The following PRXL2A variants were observed in gnomAD, a reference collection of about 807,000 sequenced individuals.
PRXL2A encodes peroxiredoxin-like 2A.
Under a neutral mutation model 25.6 loss-of-function variants are expected in PRXL2A, and 26 were observed. That is an observed-to-expected ratio of 1.02 (90% CI 0.74 to 1.41). The LOEUF (loss-of-function observed/expected upper bound fraction) is 1.41, where lower values mean the gene tolerates loss of function less well. Ranked by LOEUF, PRXL2A falls within the 40% of genes most tolerant of loss-of-function variation. The pLI is 0.00. For missense variants in PRXL2A, 246 were observed against 273.9 expected, an observed-to-expected ratio of 0.90 and a Z score of 0.72; for synonymous variants, 98 against 102.9, an observed-to-expected ratio of 0.95 and a Z score of 0.29.
chr10:80,436,627 T>C lies in PRXL2A; in HGVS notation c.*4528T>C, dbSNP rs1164781845. ...AAGCAAAAGTTTCTCTCTGACCTTC[T>C]CCTGCCCTCTTGTTTCTGGCTTTTC... On this transcript the variant is annotated 3_prime_UTR_variant, in exon 6 of 6. Transcript: ENST00000606162. The C allele has an allele frequency of 1.3e-5, 2 of 152,280 alleles. No individual in the cohort carries two copies. Among genetic ancestry groups the C allele is most frequent in the African/African-American group, 2.4e-5 (1 of 41,440 alleles). The allele number at this position is 152,280 out of a possible 1,614,324, so 9.4% of individuals were successfully genotyped here. A position where few individuals can be genotyped will look rare whatever the true frequency, so the allele number is the denominator to read the frequency against.
chr10:80,420,369 T>C, intron 1 of PRXL2A, 97 bp from the exon 2 acceptor site: 2 of 1,500,816 alleles, frequency 1.3e-6, no homozygotes, highest in Non-Finnish European at 1.8e-6. Flanking sequence ...TGTCCTGACC[T>C]CCTGGTTGGC....
At chr10:80,426,676 C>A (rs1002426126) in intron 4 of PRXL2A, among the ~76,000 whole-genome samples, 1 of 152,206 alleles carries the variant, frequency 6.6e-6, no homozygotes, top group Admixed American at 6.5e-5. Context: ...TCATTTATTT[C>A]TTTCTCTTCT....
intron 5 of PRXL2A, among the ~76,000 whole-genome samples, chr10:80,428,621 A>G (rs1845132057): frequency 2.6e-5 from 4 of 151,890 alleles, no homozygotes. Context: ...GTGAGCTGAG[A>G]TTGTGCCACT....
intron 1 of PRXL2A, chr10:80,413,939 G>C (rs562962238): frequency 9.4e-7 from 1 of 1,066,766 alleles, no homozygotes; most frequent in African/African-American, 1.7e-5. Context: ...GTTTGAGGAA[G>C]GGAGTTGCCT....
intron 1 of PRXL2A, among the ~76,000 whole-genome samples, chr10:80,412,752 C>T (rs947106358): frequency 5.3e-5 from 8 of 152,146 alleles, no homozygotes; most frequent in South Asian, 2.1e-4. Context: ...GGGGGCATCC[C>T]GGGCAAAGGA....
intron 2 of PRXL2A, 67 bp from the exon 3 acceptor site, chr10:80,422,350 C>A: frequency 7.6e-7 from 1 of 1,309,374 alleles, no homozygotes; most frequent in Non-Finnish European, 1.1e-6. Context: ...TAGTGTGGTT[C>A]ATGAGCTGCT....
chr10:80,421,326 G>T (rs1844854852), intron 2 of PRXL2A, among the ~76,000 whole-genome samples: 2 of 152,212 alleles, frequency 1.3e-5, no homozygotes, highest in South Asian at 2.1e-4. Flanking sequence ...TGTTAGCTCT[G>T]CCTCCTTGCT....
intron 1 of PRXL2A, among the ~76,000 whole-genome samples, chr10:80,419,386 C>T (rs1181860021): frequency 6.7e-6 from 1 of 150,290 alleles, no homozygotes; most frequent in Non-Finnish European, 1.5e-5. Flanking sequence ...CGGCTCACCG[C>T]AACCTCCGCC....
At chr10:80,427,204 G>C in intron 4 of PRXL2A, 128 bp from the exon 5 acceptor site, 2 of 698,004 alleles carry the variant, frequency 2.9e-6, no homozygotes, top group Admixed American at 2.4e-5. Context: ...TTGGGTGGGA[G>C]AGAAGACTGG....
chr10:80,411,694 CAG>C (rs1844480407), intron 1 of PRXL2A, among the ~76,000 whole-genome samples: 1 of 152,174 alleles, frequency 6.6e-6, no homozygotes, highest in Non-Finnish European at 1.5e-5. Context: ...GAGAGGGAAA[CAG>C]AGGAGACCAG....
At chr10:80,422,913 C>T (rs759506472) in intron 3 of PRXL2A, among the ~76,000 whole-genome samples, 12 of 152,146 alleles carry the variant, frequency 7.9e-5, no homozygotes, top group African/African-American at 1.7e-4. Flanking sequence ...GCTGCAGTGT[C>T]GGAGGAAACA....
At chr10:80,427,182 A>C in intron 4 of PRXL2A, 150 bp from the exon 5 acceptor site, 4 of 524,694 alleles carry the variant, frequency 7.6e-6, no homozygotes, top group Non-Finnish European at 6.8e-6. Context: ...GAATGTGGGC[A>C]GTGTGTGTGT....
At chr10:80,421,996 C>T (rs539802710) in intron 2 of PRXL2A, among the ~76,000 whole-genome samples, 3 of 152,288 alleles carry the variant, frequency 2.0e-5, no homozygotes, top group East Asian at 1.9e-4. Context: ...TCCTCTCCTT[C>T]GTTAATAATA....
At chr10:80,417,267 C>A (rs4934139) in intron 1 of PRXL2A, among the ~76,000 whole-genome samples, 119,700 of 152,180 alleles carry the variant, frequency 0.79, 47,977 homozygotes, top group East Asian at 0.97. Flanking sequence ...TATGTCGGAC[C>A]CGAACTCAAG....
chr10:80,428,003 G>C (rs1156554742), intron 5 of PRXL2A, among the ~76,000 whole-genome samples: 1 of 151,142 alleles, frequency 6.6e-6, no homozygotes, highest in Admixed American at 6.6e-5. Context: ...ATGGATGATA[G>C]AAAAAAAAAT....
intron 5 of PRXL2A, among the ~76,000 whole-genome samples, chr10:80,431,454 T>C (rs957905732): frequency 6.6e-6 from 1 of 152,204 alleles, no homozygotes; most frequent in South Asian, 2.1e-4. Context: ...CCTCCAACTT[T>C]AGATAACTTT....
intron 2 of PRXL2A, 92 bp from the exon 3 acceptor site, chr10:80,422,325 G>T: frequency 1.0e-6 from 1 of 995,552 alleles, no homozygotes; most frequent in South Asian, 1.4e-5. Flanking sequence ...CCGGGTCTCT[G>T]ACCTTGGCTG....
At chr10:80,413,286 A>C (rs1844535856) in intron 1 of PRXL2A, among the ~76,000 whole-genome samples, 1 of 152,066 alleles carries the variant, frequency 6.6e-6, no homozygotes, top group African/African-American at 2.4e-5. Flanking sequence ...GTCAATAACA[A>C]AGTGGTGGGA....
At chr10:80,423,830 T>C (rs1242094011) in intron 3 of PRXL2A, among the ~76,000 whole-genome samples, 1 of 152,248 alleles carries the variant, frequency 6.6e-6, no homozygotes, top group African/African-American at 2.4e-5. Flanking sequence ...AGATTTATCT[T>C]GTAGTTCTAG....
Sources: allele counts gnomAD v4.1 joint callset (sites outside exome capture counted in the v4.1 genomes callset), GRCh38; gene constraint gnomAD v4.1.1; transcripts MANE v1.5; gene names NCBI Gene and HGNC (gene_info 2026-07-23, HGNC 2026-07-21).